Variants in SLX9 observed in about 807,000 individuals in gnomAD.
The protein encoded by SLX9 is SLX9 ribosome biogenesis factor.
Under a neutral mutation model 20.8 loss-of-function variants are expected in SLX9, and 19 were observed. That is an observed-to-expected ratio of 0.91 (90% CI 0.64 to 1.34). The LOEUF (loss-of-function observed/expected upper bound fraction) is 1.34. Among genes scored for constraint, SLX9 ranks in the 40% most tolerant of loss-of-function variants. The probability of loss-of-function intolerance (pLI) is 0.00; values close to 1 mark genes in which losing one functional copy is unlikely to be tolerated. For missense variants in SLX9, 299 were observed against 322.2 expected, an observed-to-expected ratio of 0.93 and a Z score of 0.55; for synonymous variants, 113 against 137.1, an observed-to-expected ratio of 0.82 and a Z score of 1.23.
At chr21:44,954,314 T>C (rs11088973) in intron 2 of SLX9, among the ~76,000 whole-genome samples, 55,705 of 152,000 alleles carry the variant, frequency 0.37, 10,466 homozygotes, top group African/African-American at 0.41. Flanking sequence ...CCGAGCGTTG[T>C]GTGGGTGCCG....
intron 2 of SLX9, among the ~76,000 whole-genome samples, chr21:44,958,932 G>A (rs931094497): frequency 2.0e-5 from 3 of 152,228 alleles, no homozygotes; most frequent in Admixed American, 6.5e-5. Flanking sequence ...GTCACTGTTC[G>A]GGTCAGTTTC....
chr21:44,956,703 G>C (rs1459623282), intron 2 of SLX9, among the ~76,000 whole-genome samples: 1 of 152,250 alleles, frequency 6.6e-6, no homozygotes, highest in Non-Finnish European at 1.5e-5. Flanking sequence ...GTCTCATGCT[G>C]ATTTTCCTTA....
chr21:44,948,637 C>T (rs931095771), intron 2 of SLX9, among the ~76,000 whole-genome samples: 2 of 152,122 alleles, frequency 1.3e-5, no homozygotes, highest in Non-Finnish European at 2.9e-5. Context: ...GTCACCATTG[C>T]TGGAGAGGGA....
At chr21:44,976,136 C>G (rs561694520) in intron 5 of SLX9, among the ~76,000 whole-genome samples, 8 of 152,370 alleles carry the variant, frequency 5.3e-5, no homozygotes, top group Admixed American at 1.3e-4. Flanking sequence ...GTGCGGCTGG[C>G]TGCGCGGGGT....
At chr21:44,962,571 G>A (rs2084964564) in intron 3 of SLX9, among the ~76,000 whole-genome samples, 1 of 152,182 alleles carries the variant, frequency 6.6e-6, no homozygotes, top group Admixed American at 6.6e-5. Flanking sequence ...TCACTTTCCT[G>A]CTGATGGGCA....
chr21:44,967,163 G>T lies in SLX9; in HGVS notation c.482G>T (p.Ser161Ile), dbSNP rs2294168. The part of the protein sequence containing the change: ...LPELLGLEAG[S>I]RRQARSRESN... ...GAGCTGCTGGGGCTCGAGGCTGGCA[G>T]CCGGCGCCAAGCCCGCAGGTGAGTG... Residue 161 changes from serine (S) to isoleucine (I), a missense_variant, in exon 4 of 6, where the codon AGC becomes ATC. Transcript: ENST00000291634. The T allele has an allele frequency of 0.12, 182,916 of 1,589,080 alleles. 11,220 individuals are homozygous for T. The highest frequency in any genetic ancestry group is 0.18 in the Admixed American group (10,344 of 56,348).
At chr21:44,956,294 C>G (rs997224612) in intron 2 of SLX9, among the ~76,000 whole-genome samples, 1 of 152,152 alleles carries the variant, frequency 6.6e-6, no homozygotes, top group Admixed American at 6.5e-5. Context: ...TTTGTGGCCC[C>G]TTTGTGTCCT....
intron 1 of SLX9, among the ~76,000 whole-genome samples, chr21:44,942,465 G>A (rs1278209078): frequency 6.6e-6 from 1 of 152,192 alleles, no homozygotes; most frequent in African/African-American, 2.4e-5. Context: ...TGCTGTGGGT[G>A]AGAGCACCTG....
Position 44,943,818 on chromosome 21 carries a change from C to T in SLX9, c.264C>T (p.Ser88=), listed in dbSNP as rs771913102. The part of the protein sequence containing the change: ...RRGEAGSSAR[S]VPSIRRGAEA... ...GTGAGGCAGGCTCGAGTGCACGGAG[C>T]GTCCCTTCCATCAGGAGAGGTGAGG... Residue 88 remains serine (S), a synonymous_variant, in exon 2 of 6, where the codon AGC becomes AGT. Coordinates refer to ENST00000291634, the MANE Select transcript of SLX9 (RefSeq NM_058190.4). 8.1e-6 allele frequency: 13 copies of T among 1,612,782 alleles called. No homozygotes were observed. Among genetic ancestry groups the T allele is most frequent in the East Asian group, 4.5e-5 (2 of 44,804 alleles).
At chr21:44,966,468 T>A (rs913036398) in intron 3 of SLX9, among the ~76,000 whole-genome samples, 8 of 152,288 alleles carry the variant, frequency 5.3e-5, no homozygotes, top group Admixed American at 4.6e-4. Flanking sequence ...AATACATTTT[T>A]AAATTAAATC....
rs893819246 is a variant in SLX9, at chr21:44,960,179, G to A, written c.352+11G>A. The A allele has an allele frequency of 2.5e-6, 4 of 1,614,002 alleles. No homozygotes were observed. In the Admixed American group the frequency reaches 5.0e-5, roughly 20 times the overall value. ...AGCAATGGTTGCAGAGTAAGTCCATGCCTGCGTCTTGAGGCAGCTGCCGGC... is the reference window on the plus strand; with the variant it reads ...AGCAATGGTTGCAGAGTAAGTCCATACCTGCGTCTTGAGGCAGCTGCCGGC... On this transcript the variant is annotated intron_variant, in intron 3 of 5. Coordinates refer to ENST00000291634, the MANE Select transcript of SLX9 (RefSeq NM_058190.4).
intron 1 of SLX9, among the ~76,000 whole-genome samples, chr21:44,940,593 C>T (rs1241729634): frequency 6.6e-6 from 1 of 152,212 alleles, no homozygotes; most frequent in Non-Finnish European, 1.5e-5. Flanking sequence ...TCTCCATCCC[C>T]CTCAGCCCTA....
At position 44,940,078 on chromosome 21, in the gene SLX9, G is replaced by A. The variant is rs557014822; in HGVS notation, c.21G>A (p.Leu7=). MGKVRG[L]RARVHQAAVR... The stretch of plus-strand genomic sequence containing the variant: ...GGAAGATGGGGAAAGTGAGGGGGTT[G>A]CGCGCCCGAGTGCACCAGGCTGCCG... The change falls in exon 1 of 6, where the codon TTG becomes TTA. Residue 7 remains leucine, a synonymous_variant. Transcript: ENST00000291634. 1.4e-6 allele frequency: 2 copies of A among 1,459,522 alleles called. No homozygotes were observed. The highest frequency in any genetic ancestry group is 9.1e-7 in the Non-Finnish European group (1 of 1,104,674). The allele number at this position is 1,459,522 out of a possible 1,614,324, so 90.4% of individuals were successfully genotyped here.
At chr21:44,960,562 C>T (rs1349964339) in intron 3 of SLX9, among the ~76,000 whole-genome samples, 1 of 152,240 alleles carries the variant, frequency 6.6e-6, no homozygotes, top group African/African-American at 2.4e-5. Flanking sequence ...GTAACCTGTG[C>T]TCGTGGAGTT....
chr21:44,946,681 G>A (rs531777717), intron 2 of SLX9, among the ~76,000 whole-genome samples: 27 of 152,350 alleles, frequency 1.8e-4, no homozygotes, highest in South Asian at 8.3e-4. Context: ...TCATCGCCGC[G>A]GGCCCCCATT....
At chr21:44,961,119 CTAGCA>C (rs1458004842) in intron 3 of SLX9, among the ~76,000 whole-genome samples, 1 of 152,150 alleles carries the variant, frequency 6.6e-6, no homozygotes, top group Non-Finnish European at 1.5e-5. Context: ...TTCACAGTTC[CTAGCA>C]TAGCTGTGAA....
chr21:44,972,941 G>T, intron 4 of SLX9: 2 of 37,838 alleles, frequency 5.3e-5, no homozygotes, highest in East Asian at 6.2e-4. Flanking sequence ...AGCAGCTTGG[G>T]GCCCGCGGTC....
intron 4 of SLX9, among the ~76,000 whole-genome samples, chr21:44,971,398 TGCGTCCCGCCTGGGAGGATGG>T (rs2085146239): frequency 6.6e-6 from 1 of 151,920 alleles, no homozygotes; most frequent in African/African-American, 2.4e-5. Context: ...GGGTAGGCTG[TGCGTCCCGCCTGGGAGGATGG>T]GGTGTGGGAC....
chr21:44,966,345 T>TG (rs1952625112), intron 3 of SLX9, among the ~76,000 whole-genome samples: 1 of 152,278 alleles, frequency 6.6e-6, no homozygotes, highest in African/African-American at 2.4e-5. Context: ...GCTGCAGGCC[T>TG]GTCCCGGTGG....
Sources: allele counts gnomAD v4.1 joint callset (sites outside exome capture counted in the v4.1 genomes callset), GRCh38; gene constraint gnomAD v4.1.1; transcripts MANE v1.5; gene names NCBI Gene and HGNC (gene_info 2026-07-23, HGNC 2026-07-21).